LUZP1: variants seen among roughly 807,000 people sequenced by gnomAD.
LUZP1 encodes the protein leucine zipper protein 1, also known as filamin mechanobinding actin cross-linking protein.
Under a neutral mutation model 71.3 loss-of-function variants are expected in LUZP1, and 25 were observed. The observed-to-expected ratio is 0.35, with a 90% CI of 0.26 to 0.49. The LOEUF (loss-of-function observed/expected upper bound fraction) is 0.49, where lower values mean the gene tolerates loss of function less well. Ranked by LOEUF, LUZP1 falls within the 20% of genes least tolerant of loss-of-function variation. The pLI is 0.99. For missense variants in LUZP1, 1,142 were observed against 1,300.8 expected (o/e 0.88, Z 1.88); for synonymous variants, 481 against 506.4 (o/e 0.95, Z 0.67).
At chr1:23,160,368 T>A (rs1330560829) in intron 2 of LUZP1, among the ~76,000 whole-genome samples, 1 of 152,216 alleles carries the variant, frequency 6.6e-6, no homozygotes, top group Non-Finnish European at 1.5e-5. Flanking sequence ...GTGTCTTGTT[T>A]CTGTTAGTAA....
intron 2 of LUZP1, among the ~76,000 whole-genome samples, chr1:23,146,875 A>G (rs1271019859): frequency 1.3e-5 from 2 of 151,900 alleles, no homozygotes; most frequent in Non-Finnish European, 2.9e-5. Flanking sequence ...AGGCAGGCGG[A>G]TCACGAGGTC....
chr1:23,170,725 C>T (rs1644546909), intron 1 of LUZP1, among the ~76,000 whole-genome samples: 1 of 151,984 alleles, frequency 6.6e-6, no homozygotes, highest in Non-Finnish European at 1.5e-5. Context: ...CCTTGGCCTC[C>T]GTAAGTGCTA....
At chr1:23,123,040 C>T (rs527988227) in intron 2 of LUZP1, among the ~76,000 whole-genome samples, 1 of 152,314 alleles carries the variant, frequency 6.6e-6, no homozygotes, top group African/African-American at 2.4e-5. Flanking sequence ...GCTTTTCATT[C>T]AGGCAGGAAT....
At chr1:23,099,262 A>C (rs993804926) in intron 3 of LUZP1, among the ~76,000 whole-genome samples, 5 of 152,228 alleles carry the variant, frequency 3.3e-5, no homozygotes, top group Non-Finnish European at 5.9e-5. Context: ...GGGAGGACTT[A>C]ATTAAGTTTA....
At chr1:23,153,566 G>T (rs1557685699) in intron 2 of LUZP1, among the ~76,000 whole-genome samples, 1 of 151,950 alleles carries the variant, frequency 6.6e-6, no homozygotes, top group Non-Finnish European at 1.5e-5. Context: ...TTTAGTCAAT[G>T]GTATTTTCAC....
At chr1:23,143,107 C>T (rs1039445675) in intron 2 of LUZP1, among the ~76,000 whole-genome samples, 8 of 152,028 alleles carry the variant, frequency 5.3e-5, no homozygotes, top group East Asian at 1.9e-4. Flanking sequence ...CTCCTGGGTT[C>T]GAGCAATTCC....
chr1:23,112,826 G>A lies in LUZP1; in HGVS notation c.-225-3699C>T, dbSNP rs973619573. On this transcript the variant is annotated intron_variant, in intron 2 of 4. Transcript: ENST00000302291. ...GATCATGGAAGTAAGAAAAAAAAGA[G>A]CTAGAAAAGGAGAGTCTCAGGTTCT... Among the ~76,000 whole-genome samples the A allele has an allele frequency of 5.3e-5, 8 of 152,272 alleles. No individual in the cohort carries two copies. The East Asian group carries it at 1.5e-3, about 29-fold the overall frequency.
intron 2 of LUZP1, among the ~76,000 whole-genome samples, chr1:23,144,691 A>C (rs184734407): frequency 6.6e-6 from 1 of 152,220 alleles, no homozygotes; most frequent in Non-Finnish European, 1.5e-5. Flanking sequence ...AACAGCAGGA[A>C]GAGAATAAAA....
intron 1 of LUZP1, among the ~76,000 whole-genome samples, chr1:23,177,075 G>A (rs1211233692): frequency 3.7e-5 from 2 of 54,040 alleles, no homozygotes; most frequent in Non-Finnish European, 3.7e-5. Context: ...AAGGATGATG[G>A]GGGGGGGGTC....
intron 1 of LUZP1, among the ~76,000 whole-genome samples, chr1:23,170,433 T>C (rs992762294): frequency 6.6e-6 from 1 of 151,846 alleles, no homozygotes; most frequent in Non-Finnish European, 1.5e-5. Context: ...ATGAACAATA[T>C]GATTGTCATT....
In LUZP1 at chr1:23,148,644, A is replaced by G. The variant is rs79393370; in HGVS notation, c.-226+20122T>C. ...TTCTACTGAGATTCTCAGTGTAATTATTTTTCTGTGACAGAATCTGATTTG... is the reference window on the plus strand; with the variant it reads ...TTCTACTGAGATTCTCAGTGTAATTGTTTTTCTGTGACAGAATCTGATTTG... On this transcript the variant is annotated intron_variant, in intron 2 of 4. Coordinates refer to ENST00000302291, the Ensembl canonical transcript of LUZP1. 4.9e-3 allele frequency among the ~76,000 whole-genome samples: 748 copies of G among 152,284 alleles called. 5 individuals carry two copies. Among genetic ancestry groups the G allele is most frequent in the Non-Finnish European group, 6.3e-3 (430 of 68,004 alleles).
intron 2 of LUZP1, among the ~76,000 whole-genome samples, chr1:23,148,170 T>A (rs1041318271): frequency 2.0e-5 from 3 of 152,174 alleles, no homozygotes; most frequent in Non-Finnish European, 4.4e-5. Context: ...CAAGTTCATA[T>A]AGGTAGATAA....
intron 3 of LUZP1, among the ~76,000 whole-genome samples, chr1:23,104,191 T>C (rs1371004688): frequency 6.6e-6 from 1 of 151,726 alleles, no homozygotes; most frequent in African/African-American, 2.4e-5. Context: ...TTTCTTTTTT[T>C]TTTTTTGAGA....
In LUZP1 at chr1:23,093,586, G is replaced by C. The variant is rs747448041; in HGVS notation, c.676C>G (p.Arg226Gly). 1 of 1,613,538 alleles carries C rather than the reference G, an allele frequency of 6.2e-7. No homozygotes were observed. Among genetic ancestry groups the C allele is most frequent in the South Asian group, 1.1e-5 (1 of 90,866 alleles). The stretch of plus-strand genomic sequence containing the variant: ...TTAGAAGCATTCCTTGTATAATCTC[G>C]GTTCATTTTTTTGTTCTGCTCTAGT... The change falls in exon 4 of 5, where the codon CGA (arginine) becomes GGA (glycine). Residue 226 changes from arginine (R) to glycine (G), a missense_variant. Physicochemically the swap from Arg to Gly is moderately radical, Grantham distance 125. Transcript: ENST00000302291. This position sits in a 1 kb window ranked among gnomAD's most constrained non-coding sequence, Gnocchi z 4.2.
At chr1:23,105,391 C>T (rs1037895657) in intron 3 of LUZP1, among the ~76,000 whole-genome samples, 5 of 152,142 alleles carry the variant, frequency 3.3e-5, no homozygotes, top group Admixed American at 3.3e-4. Context: ...AATTCTTTTG[C>T]AGGCAACGTG....
intron 3 of LUZP1, among the ~76,000 whole-genome samples, chr1:23,103,227 G>A (rs890881018): frequency 1.4e-4 from 22 of 151,750 alleles, no homozygotes; most frequent in African/African-American, 4.8e-4. Context: ...TTACAGACGC[G>A]AGCCACCGCC....
intron 2 of LUZP1, among the ~76,000 whole-genome samples, chr1:23,166,059 A>G (rs1644507524): frequency 6.6e-6 from 1 of 151,918 alleles, no homozygotes; most frequent in Non-Finnish European, 1.5e-5. Context: ...AAAAAAAAAA[A>G]AAAAAAGAAA....
chr1:23,092,654 C>T, exon 4 of LUZP1: 1 of 1,614,200 alleles, frequency 6.2e-7, no homozygotes, highest in Admixed American at 1.7e-5. Flanking sequence ...CAAAGACAGT[C>T]TCAGAGGAGG....
At chr1:23,171,052 C>T (rs945653634) in intron 1 of LUZP1, among the ~76,000 whole-genome samples, 3 of 149,978 alleles carry the variant, frequency 2.0e-5, no homozygotes, top group South Asian at 2.1e-4. Context: ...ATAATGCCAC[C>T]GCACTACAGC....
Sources: allele counts gnomAD v4.1 joint callset (sites outside exome capture counted in the v4.1 genomes callset), GRCh38; gene constraint gnomAD v4.1.1; non-coding constraint Gnocchi (gnomAD v3.1); transcripts MANE v1.5; gene names NCBI Gene and HGNC (gene_info 2026-07-23, HGNC 2026-07-21).